The following EXOC6B variants were observed in gnomAD, a reference collection of about 807,000 sequenced individuals.
EXOC6B encodes the protein SEC15 homolog B.
In EXOC6B, 54 loss-of-function variants were observed where a neutral mutation model predicts 113.5. That is an observed-to-expected ratio of 0.48 (90% CI 0.38 to 0.60). The LOEUF is 0.60. EXOC6B is among the 20% of genes least tolerant of loss of function. The pLI is 0.00. For synonymous variants in EXOC6B, 357 were observed against 339.0 expected (o/e 1.05, Z -0.58); for missense variants, 797 against 977.5 (o/e 0.82, Z 2.46).
intron 6 of EXOC6B, among the ~76,000 whole-genome samples, chr2:72,641,599 G>T (rs1005188283): frequency 6.6e-6 from 1 of 152,256 alleles, no homozygotes; most frequent in Non-Finnish European, 1.5e-5. Flanking sequence ...GCTCTGCAAG[G>T]CTTGCTGTGT....
At chr2:72,204,365 T>G (rs926719937) in intron 20 of EXOC6B, among the ~76,000 whole-genome samples, 1 of 152,086 alleles carries the variant, frequency 6.6e-6, no homozygotes, top group African/African-American at 2.4e-5. Context: ...GGTTCTAGTC[T>G]CTGCTTTCTG....
intron 1 of EXOC6B, among the ~76,000 whole-genome samples, chr2:72,809,818 A>G (rs1284782050): frequency 6.6e-6 from 1 of 152,184 alleles, no homozygotes; most frequent in African/African-American, 2.4e-5. Flanking sequence ...CCCTCTCTCA[A>G]CAATTGATAG....
At chr2:72,520,835 T>G (rs567952417) in intron 8 of EXOC6B, among the ~76,000 whole-genome samples, 14 of 152,318 alleles carry the variant, frequency 9.2e-5, no homozygotes, top group South Asian at 4.1e-4. Flanking sequence ...ATACAGGATC[T>G]TCCTATATGT....
intron 8 of EXOC6B, among the ~76,000 whole-genome samples, chr2:72,526,917 C>G (rs1202671141): frequency 6.6e-6 from 1 of 151,874 alleles, no homozygotes; most frequent in African/African-American, 2.4e-5. Context: ...TGCACTCTAT[C>G]CAGTCCCCCA....
intron 2 of EXOC6B, among the ~76,000 whole-genome samples, chr2:72,739,531 T>G (rs540273518): frequency 6.6e-6 from 1 of 152,240 alleles, no homozygotes; most frequent in Admixed American, 6.5e-5. Flanking sequence ...GGTTCTTTCC[T>G]TTTAATGTTG....
At chr2:72,391,851 A>G (rs566975832) in intron 18 of EXOC6B, among the ~76,000 whole-genome samples, 9 of 152,158 alleles carry the variant, frequency 5.9e-5, no homozygotes, top group Non-Finnish European at 1.3e-4. Flanking sequence ...GTCCAGCCTG[A>G]GCAACATAGT....
intron 18 of EXOC6B, among the ~76,000 whole-genome samples, chr2:72,436,459 G>A (rs937748049): frequency 2.0e-5 from 3 of 152,000 alleles, no homozygotes; most frequent in Non-Finnish European, 4.4e-5. Flanking sequence ...TGCTAGGTTG[G>A]GGAAGTTCTC....
At chr2:72,648,359 G>A (rs1673897812) in intron 6 of EXOC6B, among the ~76,000 whole-genome samples, 1 of 152,212 alleles carries the variant, frequency 6.6e-6, no homozygotes, top group African/African-American at 2.4e-5. Flanking sequence ...AACCACTGTG[G>A]AAGACAGTGT....
chr2:72,771,957 A>G (rs529839521), intron 1 of EXOC6B, among the ~76,000 whole-genome samples: 3 of 152,358 alleles, frequency 2.0e-5, no homozygotes, highest in Middle Eastern at 3.4e-3. Flanking sequence ...GGAGTTTCCA[A>G]CACACATCCC....
At chr2:72,572,904 A>AT (rs1362727216) in intron 7 of EXOC6B, among the ~76,000 whole-genome samples, 1 of 152,194 alleles carries the variant, frequency 6.6e-6, no homozygotes, top group African/African-American at 2.4e-5. Flanking sequence ...GAAGTGCCAA[A>AT]TTTTTGTTTT....
chr2:72,464,137 C>A (rs1427334065), intron 18 of EXOC6B: 1 of 152,130 alleles, frequency 6.6e-6, no homozygotes, highest in Non-Finnish European at 1.5e-5. Context: ...ACATTCAGAT[C>A]ACATAGGAGC....
intron 8 of EXOC6B, among the ~76,000 whole-genome samples, chr2:72,547,926 A>G (rs1466863691): frequency 6.6e-6 from 1 of 152,200 alleles, no homozygotes; most frequent in Non-Finnish European, 1.5e-5. Context: ...CTATAAAATG[A>G]TATTTTATAT....
chr2:72,313,992 T>G (rs867445376), intron 20 of EXOC6B, among the ~76,000 whole-genome samples: 1 of 151,996 alleles, frequency 6.6e-6, no homozygotes, highest in African/African-American at 2.4e-5. Flanking sequence ...GAGAACCACA[T>G]TGAGAAAGGG....
chr2:72,235,800 A>G (rs1002348647), intron 20 of EXOC6B, among the ~76,000 whole-genome samples: 25 of 151,874 alleles, frequency 1.6e-4, no homozygotes, highest in Non-Finnish European at 1.2e-4. Flanking sequence ...GCCTTTCCAT[A>G]CCAATGCAGC....
intron 6 of EXOC6B, among the ~76,000 whole-genome samples, chr2:72,582,449 G>C (rs529541689): frequency 4.6e-5 from 7 of 152,062 alleles, no homozygotes; most frequent in African/African-American, 1.7e-4. Context: ...TTCAGGAGGC[G>C]GAGGTTGCAG....
intron 20 of EXOC6B, among the ~76,000 whole-genome samples, chr2:72,282,297 T>C (rs1685171821): frequency 6.6e-6 from 1 of 152,086 alleles, no homozygotes; most frequent in South Asian, 2.1e-4. Flanking sequence ...AATGTAGGAA[T>C]GGAATAAATT....
intron 1 of EXOC6B, among the ~76,000 whole-genome samples, chr2:72,816,754 A>C (rs1309320487): frequency 6.6e-6 from 1 of 152,264 alleles, no homozygotes; most frequent in African/African-American, 2.4e-5. Flanking sequence ...AGGAATACTT[A>C]GCAAATGCTA....
chr2:72,472,516 T>A (rs933797434), intron 17 of EXOC6B, among the ~76,000 whole-genome samples: 1 of 152,174 alleles, frequency 6.6e-6, no homozygotes, highest in South Asian at 2.1e-4. Context: ...CAGTCCCTGA[T>A]GATCTTTTCT....
At chr2:72,742,338 T>A (rs904891012) in intron 1 of EXOC6B, among the ~76,000 whole-genome samples, 2 of 152,152 alleles carry the variant, frequency 1.3e-5, no homozygotes, top group African/African-American at 4.8e-5. Context: ...TTGTTTTTAT[T>A]TTTTTAATAA....
Sources: gnomAD v4.1 joint callset for allele counts (sites outside exome capture counted in the v4.1 genomes callset) on GRCh38, gnomAD v4.1.1 for gene constraint, MANE v1.5 for transcripts, NCBI Gene and HGNC (gene_info 2026-07-23, HGNC 2026-07-21) for gene names.